CORIN: variants seen among roughly 807,000 people sequenced by gnomAD.
The protein encoded by CORIN is atrial natriuretic peptide-converting enzyme.
In CORIN, 117 loss-of-function variants were observed where a neutral mutation model predicts 125.3. That is an observed-to-expected ratio of 0.93 (90% CI 0.80 to 1.09). The LOEUF is 1.09. Among genes scored for constraint, CORIN ranks in the 50% least tolerant of loss-of-function variants. The pLI is 0.00. For missense variants in CORIN, 1,253 were observed against 1,306.7 expected (o/e 0.96, Z 0.63); for synonymous variants, 450 against 466.4 (o/e 0.96, Z 0.45).
At chr4:47,722,304 G>A (rs1727382786) in intron 5 of CORIN, among the ~76,000 whole-genome samples, 1 of 152,154 alleles carries the variant, frequency 6.6e-6, no homozygotes, top group Non-Finnish European at 1.5e-5. Flanking sequence ...TAGTTTTAAA[G>A]GAATCAATTT....
intron 3 of CORIN, among the ~76,000 whole-genome samples, chr4:47,769,977 C>G (rs186509544): frequency 1.3e-5 from 2 of 152,030 alleles, no homozygotes; most frequent in East Asian, 3.9e-4. Flanking sequence ...AATATGATCC[C>G]AAAGGCAAGG....
chr4:47,619,961 C>G (rs566282410), intron 19 of CORIN, among the ~76,000 whole-genome samples: 2 of 152,316 alleles, frequency 1.3e-5, no homozygotes, highest in East Asian at 1.9e-4. Flanking sequence ...TATGCAGACT[C>G]TTCCAATAAT....
intron 1 of CORIN, among the ~76,000 whole-genome samples, chr4:47,827,376 T>A (rs1028482682): frequency 6.6e-6 from 1 of 152,220 alleles, no homozygotes; most frequent in African/African-American, 2.4e-5. Context: ...CATTAATACA[T>A]TCTTTCATTA....
chr4:47,720,341 T>A (rs773024430), intron 5 of CORIN, among the ~76,000 whole-genome samples: 55 of 152,208 alleles, frequency 3.6e-4, no homozygotes, highest in Non-Finnish European at 6.3e-4. Flanking sequence ...ATTTCATACA[T>A]CTTGTTCAAG....
At chr4:47,655,820 T>C (rs369734935) in intron 12 of CORIN, among the ~76,000 whole-genome samples, 5 of 151,122 alleles carry the variant, frequency 3.3e-5, no homozygotes, top group African/African-American at 7.3e-5. Flanking sequence ...AGTAATGCTA[T>C]TTAAGTAATA....
intron 6 of CORIN, among the ~76,000 whole-genome samples, chr4:47,691,568 T>A (rs1238527246): frequency 6.6e-6 from 1 of 152,156 alleles, no homozygotes. Flanking sequence ...AAAAAATGCA[T>A]GAATAAATGA....
chr4:47,681,998 A>C (rs944686676), intron 7 of CORIN: 1 of 152,218 alleles, frequency 6.6e-6, no homozygotes, highest in African/African-American at 2.4e-5. Flanking sequence ...AGCAACATGG[A>C]TGAGCCTGGA....
chr4:47,605,822 T>C (rs12502587), intron 19 of CORIN, among the ~76,000 whole-genome samples: 41,132 of 151,930 alleles, frequency 0.27, 5,713 homozygotes, highest in Admixed American at 0.35. Context: ...ACCCTTCTTT[T>C]CTTGGCACGC....
chr4:47,744,652 A>G, intron 4 of CORIN, 69 bp from the exon 5 acceptor site: 1 of 1,404,694 alleles, frequency 7.1e-7, no homozygotes, highest in Non-Finnish European at 9.6e-7. Context: ...TAATAGTGAA[A>G]TTAAAGTTAG....
At position 47,653,510 on chromosome 4, in the gene CORIN, T is replaced by C. The variant is rs761219607; in HGVS notation, c.1843+43A>G. On this transcript the variant is annotated intron_variant, in intron 13 of 21. Coordinates refer to ENST00000273857, the MANE Select transcript of CORIN (RefSeq NM_006587.4). ...AACACAGTTTCTTATTTTATTCTAG[T>C]TATCACTGTACATTCAAGAAAAGTA... The C allele has an allele frequency of 8.9e-6, 13 of 1,453,660 alleles. No individual in the cohort carries two copies. The South Asian group carries it at 1.3e-4, about 14-fold the overall frequency. 90.0% of individuals were successfully genotyped at this position (1,453,660 alleles called of 1,614,324 possible). A position where few individuals can be genotyped will look rare whatever the true frequency, so the allele number is the denominator to read the frequency against.
intron 6 of CORIN, among the ~76,000 whole-genome samples, chr4:47,686,187 A>C (rs1005533191): frequency 2.0e-5 from 3 of 151,730 alleles, no homozygotes; most frequent in African/African-American, 4.8e-5. Context: ...AAAAAAAAAC[A>C]ACTTAAAGTT....
At chr4:47,656,228 T>G (rs1577790123) in intron 12 of CORIN, among the ~76,000 whole-genome samples, 1 of 150,566 alleles carries the variant, frequency 6.6e-6, no homozygotes, top group East Asian at 2.0e-4. Flanking sequence ...TGATCTTGGC[T>G]CACTGCAGCC....
At chr4:47,771,398 T>A (rs2109886575) in intron 3 of CORIN, among the ~76,000 whole-genome samples, 1 of 152,276 alleles carries the variant, frequency 6.6e-6, no homozygotes, top group Admixed American at 6.5e-5. Context: ...AGAGAAAACA[T>A]AAAACTGAAG....
chr4:47,710,783 T>G (rs1726805553), intron 5 of CORIN, among the ~76,000 whole-genome samples: 1 of 152,262 alleles, frequency 6.6e-6, no homozygotes, highest in Non-Finnish European at 1.5e-5. Flanking sequence ...GTAGCCAGGC[T>G]AATTATCCCA....
chr4:47,777,360 C>T (rs1016209244), intron 3 of CORIN, among the ~76,000 whole-genome samples: 24 of 152,100 alleles, frequency 1.6e-4, no homozygotes, highest in African/African-American at 2.4e-4. Flanking sequence ...TGGCCAGGCG[C>T]GGTGGCTCAC....
At chr4:47,804,652 A>T (rs1003158723) in intron 2 of CORIN, among the ~76,000 whole-genome samples, 2 of 149,962 alleles carry the variant, frequency 1.3e-5, no homozygotes, top group African/African-American at 2.5e-5. Context: ...GGGGCTAAAA[A>T]TCAAAACAAT....
intron 5 of CORIN, among the ~76,000 whole-genome samples, chr4:47,725,759 T>C (rs569870444): frequency 2.0e-5 from 3 of 152,032 alleles, no homozygotes; most frequent in Non-Finnish European, 4.4e-5. Context: ...AATTGGTAAA[T>C]AAAATCATTT....
chr4:47,699,606 T>C (rs1198028656), intron 5 of CORIN, among the ~76,000 whole-genome samples: 2 of 152,226 alleles, frequency 1.3e-5, no homozygotes, highest in African/African-American at 4.8e-5. Flanking sequence ...GTTAGATATC[T>C]GTTGGATAAA....
chr4:47,729,806 G>A (rs1727779861), intron 5 of CORIN, among the ~76,000 whole-genome samples: 1 of 152,042 alleles, frequency 6.6e-6, no homozygotes, highest in South Asian at 2.1e-4. Context: ...CACACGGAGC[G>A]GCTGAATATC....
Sources: gnomAD v4.1 joint callset for allele counts (sites outside exome capture counted in the v4.1 genomes callset) on GRCh38, gnomAD v4.1.1 for gene constraint, MANE v1.5 for transcripts, NCBI Gene and HGNC (gene_info 2026-07-23, HGNC 2026-07-21) for gene names.